The following CACNA1E variants were observed in gnomAD, a reference collection of about 807,000 sequenced individuals.
The protein encoded by CACNA1E is calcium voltage-gated channel subunit alpha1 E, also known as voltage-dependent R-type calcium channel subunit alpha-1E.
A neutral mutation model predicts 259.2 loss-of-function variants in CACNA1E; 40 were observed. That is an observed-to-expected ratio of 0.15 (90% confidence interval 0.12 to 0.20). The LOEUF is 0.20. CACNA1E is among the 10% of genes least tolerant of loss of function. The pLI is 1.00. For missense variants in CACNA1E, 1,874 were observed against 3,040.1 expected, an observed-to-expected ratio of 0.62 and a Z score of 9.02; for synonymous variants, 1,104 against 1,138.5, an observed-to-expected ratio of 0.97 and a Z score of 0.61.
chr1:181,341,707 T>G (rs1301535820), intron 1 of CACNA1E, among the ~76,000 whole-genome samples: 1 of 152,174 alleles, frequency 6.6e-6, no homozygotes, highest in African/African-American at 2.4e-5. Context: ...CTTCTTTCCT[T>G]TATTCTTTCT....
At chr1:181,390,323 T>G (rs1272172079) in intron 1 of CACNA1E, among the ~76,000 whole-genome samples, 3 of 142,990 alleles carry the variant, frequency 2.1e-5, no homozygotes, top group East Asian at 4.0e-4. Flanking sequence ...ATTTATTTAT[T>G]TATTTATTTG....
At chr1:181,515,411 A>G (rs1189694828) in intron 3 of CACNA1E, among the ~76,000 whole-genome samples, 4 of 152,046 alleles carry the variant, frequency 2.6e-5, no homozygotes, top group African/African-American at 9.7e-5. Flanking sequence ...TTGTTTGTTC[A>G]CTCATTCACT....
chr1:181,582,884 G>A (rs1437923390), intron 6 of CACNA1E, among the ~76,000 whole-genome samples: 3 of 152,154 alleles, frequency 2.0e-5, no homozygotes, highest in African/African-American at 7.2e-5. Context: ...GGGAAGGAGG[G>A]AGGGGAGGAG....
chr1:181,659,575 G>A (rs1402487754), intron 7 of CACNA1E, among the ~76,000 whole-genome samples: 1 of 152,192 alleles, frequency 6.6e-6, no homozygotes, highest in Admixed American at 6.5e-5. Context: ...TGGGCTTCTG[G>A]ACAGGGAAAG....
rs373148680 is a variant in CACNA1E at position 181,771,401 on chromosome 1, C to T, written c.4973+17C>T. The T allele has an allele frequency of 8.0e-6, 11 of 1,373,338 alleles. No individual in the cohort carries two copies. Among genetic ancestry groups the T allele is most frequent in the South Asian group, 2.4e-5 (2 of 82,646 alleles). The allele number at this position is 1,373,338 out of a possible 1,614,324, so 85.1% of individuals were successfully genotyped here. ...ACTCTTCAGGTACCTGGATGCGTAACTGTCATAGCTGGGGTTCTCCTGATG... is the reference window on the plus strand; with the variant it reads ...ACTCTTCAGGTACCTGGATGCGTAATTGTCATAGCTGGGGTTCTCCTGATG... On this transcript the variant is annotated intron_variant, in intron 36 of 47. Transcript: ENST00000367573.
chr1:181,481,335 TAC>T (rs113766656), upstream of CACNA1E, among the ~76,000 whole-genome samples: 19,803 of 145,122 alleles, frequency 0.14, 1,302 homozygotes, highest in Middle Eastern at 0.16. Context: ...AGAATTTTCC[TAC>T]ACACACACAC....
intron 25 of CACNA1E, among the ~76,000 whole-genome samples, chr1:181,744,933 C>T (rs192418170): frequency 2.6e-5 from 4 of 152,294 alleles, no homozygotes; most frequent in Admixed American, 2.0e-4. Flanking sequence ...CAACTGTAAG[C>T]AGATAGGAGG....
intron 7 of CACNA1E, among the ~76,000 whole-genome samples, chr1:181,669,567 G>A (rs541844282): frequency 2.6e-5 from 4 of 152,284 alleles, no homozygotes; most frequent in Admixed American, 6.5e-5. Flanking sequence ...ATTTGTGGAG[G>A]TCTTTGTCCC....
At chr1:181,628,598 A>G (rs1322616820) in intron 6 of CACNA1E, among the ~76,000 whole-genome samples, 5 of 152,198 alleles carry the variant, frequency 3.3e-5, no homozygotes, top group African/African-American at 1.2e-4. Flanking sequence ...TCCAAAACTC[A>G]TTAGGAGTCT....
At chr1:181,535,391 G>A (rs1260764940) in intron 3 of CACNA1E, among the ~76,000 whole-genome samples, 1 of 61,698 alleles carries the variant, frequency 1.6e-5, no homozygotes, top group East Asian at 4.6e-4. Context: ...AAAAATGTAT[G>A]CTGCAATTCT....
chr1:181,427,064 C>A (rs551848838), intron 2 of CACNA1E, among the ~76,000 whole-genome samples: 4 of 151,692 alleles, frequency 2.6e-5, no homozygotes, highest in African/African-American at 9.7e-5. Flanking sequence ...AACTCAACCC[C>A]TTCCTTACTC....
At chr1:181,330,660 T>C (rs573090915) in intron 1 of CACNA1E, among the ~76,000 whole-genome samples, 84 of 152,336 alleles carry the variant, frequency 5.5e-4, no homozygotes, top group African/African-American at 2.0e-3. Flanking sequence ...CAGAATTTCC[T>C]ATTGGCAGGT....
intron 20 of CACNA1E, 142 bp from the exon 21 acceptor site, chr1:181,733,291 TCTGC>T (rs1253256260): frequency 1.3e-6 from 1 of 797,326 alleles, no homozygotes; most frequent in Non-Finnish European, 1.9e-6. Flanking sequence ...TTAGCACCTC[TCTGC>T]CTGTCTGGTT....
intron 3 of CACNA1E, among the ~76,000 whole-genome samples, chr1:181,541,700 A>C (rs2102785957): frequency 6.6e-6 from 1 of 152,210 alleles, no homozygotes; most frequent in Middle Eastern, 3.4e-3. Flanking sequence ...ACCTGCAAAG[A>C]CTCGTCTTTT....
In CACNA1E at chr1:181,732,778, G is replaced by A. The variant is rs1655626314; in HGVS notation, c.2692G>A (p.Glu898Lys). The change falls in exon 20 of 48, where the codon GAG (glutamate) becomes AAG (lysine). Residue 898 changes from glutamate to lysine, a missense_variant. Glu to Lys is a moderately conservative substitution (Grantham distance 56). Coordinates refer to ENST00000367573, the MANE Select transcript of CACNA1E (RefSeq NM_001205293.3). The surrounding 1 kb of genome is among the most constrained non-coding windows in gnomAD (Gnocchi z 5.5). ...CHGNCDPTQQ[E>K]AGGGEAVVTF... ...TGGAAACTGTGACCCGACTCAGCAG[G>A]AGGCAGGGGGAGGAGAGGCTGTGGT... The A allele has an allele frequency of 2.5e-6, 4 of 1,587,812 alleles. No homozygotes were observed. Among genetic ancestry groups the A allele is most frequent in the Non-Finnish European group, 8.6e-7 (1 of 1,166,788 alleles).
chr1:181,624,087 G>T (rs1415890271), intron 6 of CACNA1E, among the ~76,000 whole-genome samples: 1 of 152,190 alleles, frequency 6.6e-6, no homozygotes, highest in African/African-American at 2.4e-5. Context: ...GTGAGAGCAG[G>T]AAGCAAGAGA....
At chr1:181,680,711 C>CTTGAG (rs1649874438) in intron 7 of CACNA1E, among the ~76,000 whole-genome samples, 1 of 152,224 alleles carries the variant, frequency 6.6e-6, no homozygotes, top group East Asian at 1.9e-4. Context: ...TCTGTGTTCC[C>CTTGAG]AGTCAGTGGT....
chr1:181,427,162 C>T (rs949576712), intron 2 of CACNA1E, among the ~76,000 whole-genome samples: 2 of 151,810 alleles, frequency 1.3e-5, no homozygotes, highest in African/African-American at 4.8e-5. Context: ...CTCAACCACA[C>T]TCATCTCAAC....
At chr1:181,399,794 G>A (rs1656961765) in intron 1 of CACNA1E, among the ~76,000 whole-genome samples, 1 of 152,162 alleles carries the variant, frequency 6.6e-6, no homozygotes, top group African/African-American at 2.4e-5. Context: ...CCCACAGGGT[G>A]GTATGCTTGA....
Sources: gnomAD v4.1 joint callset for allele counts (sites outside exome capture counted in the v4.1 genomes callset) on GRCh38, gnomAD v4.1.1 for gene constraint, Gnocchi (gnomAD v3.1) non-coding constraint, MANE v1.5 for transcripts, NCBI Gene and HGNC (gene_info 2026-07-23, HGNC 2026-07-21) for gene names.